Variants in ZDHHC15 observed in about 807,000 individuals in gnomAD.
ZDHHC15 encodes the protein zDHHC palmitoyltransferase 15.
A neutral mutation model predicts 31.7 loss-of-function variants in ZDHHC15; 19 were observed. The ratio of observed to expected loss-of-function variants is 0.60; its 90% CI spans 0.42 to 0.88. ZDHHC15 has a LOEUF of 0.88. Among genes scored for constraint, ZDHHC15 ranks in the 40% least tolerant of loss-of-function variants. The probability of loss-of-function intolerance (pLI) is 0.00; values close to 1 mark genes in which losing one functional copy is unlikely to be tolerated. For synonymous variants in ZDHHC15, 103 were observed against 90.0 expected (o/e 1.14, Z -0.82); for missense variants, 209 against 251.2 (o/e 0.83, Z 1.14).
intron 10 of ZDHHC15, among the ~76,000 whole-genome samples, chrX:75,394,164 A>C (rs2083274338): frequency 9.0e-6 from 1 of 111,632 alleles, no homozygotes; most frequent in South Asian, 3.8e-4. Context: ...ACTAACCATC[A>C]TATGGTTACT....
At chrX:75,463,553 G>T (rs2084353424) in intron 3 of ZDHHC15, among the ~76,000 whole-genome samples, 1 of 90,440 alleles carries the variant, frequency 1.1e-5, no homozygotes, top group Admixed American at 1.4e-4. Context: ...CTAATATCCA[G>T]AATCTATAAA....
At chrX:75,379,677 T>G (rs2083094973) in intron 10 of ZDHHC15, among the ~76,000 whole-genome samples, 1 of 112,276 alleles carries the variant, frequency 8.9e-6, no homozygotes, top group Non-Finnish European at 1.9e-5. Flanking sequence ...ATGTTTTTGT[T>G]TCTGACCTCC....
At chrX:75,397,254 G>A (rs1304825093) in intron 10 of ZDHHC15, among the ~76,000 whole-genome samples, 6 of 109,530 alleles carry the variant, frequency 5.5e-5, no homozygotes, top group South Asian at 4.0e-4. Flanking sequence ...TCGAACCCAG[G>A]AGGCGGAGGT....
chrX:75,421,996 G>C lies in ZDHHC15; in HGVS notation c.737-6C>G. 1 of 1,204,419 alleles carries C rather than the reference G, an allele frequency of 8.3e-7. No individual in the cohort carries two copies. Among genetic ancestry groups the C allele is most frequent in the Non-Finnish European group, 1.1e-6 (1 of 892,324 alleles). ...CACTGGAGTGCAGAAGGCCTCTAAGGCAGGGCAGGAGAGTTGAAGAAAAGA... is the reference window on the plus strand; with the variant it reads ...CACTGGAGTGCAGAAGGCCTCTAAGCCAGGGCAGGAGAGTTGAAGAAAAGA... On this transcript the variant is annotated splice_region_variant and splice_polypyrimidine_tract_variant and intron_variant, in intron 8 of 11. Coordinates refer to ENST00000373367, the MANE Select transcript of ZDHHC15 (RefSeq NM_144969.3).
chrX:75,395,759 A>C (rs975980238), intron 10 of ZDHHC15, among the ~76,000 whole-genome samples: 8 of 111,566 alleles, frequency 7.2e-5, no homozygotes, highest in African/African-American at 2.6e-4. Flanking sequence ...AATAAACAAA[A>C]CTGTAGGAAC....
In ZDHHC15 at chrX:75,429,204, A is replaced by G. The variant is rs1333123586; in HGVS notation, c.483-6T>C. On this transcript the variant is annotated splice_polypyrimidine_tract_variant and splice_region_variant and intron_variant, in intron 6 of 11. Coordinates refer to ENST00000373367, the MANE Select transcript of ZDHHC15 (RefSeq NM_144969.3). ...ATCCAATGCAGTTATTAACCCTAAAAAAAAAGAAAAACTAATTTGACATCA... is the reference window on the plus strand; with the variant it reads ...ATCCAATGCAGTTATTAACCCTAAAGAAAAAGAAAAACTAATTTGACATCA... 8.4e-7 allele frequency: 1 copy of G among 1,195,902 alleles called. No individual in the cohort carries two copies. The highest frequency in any genetic ancestry group is 1.1e-6 in the Non-Finnish European group (1 of 890,738).
intron 2 of ZDHHC15, among the ~76,000 whole-genome samples, chrX:75,485,680 C>T (rs767207231): frequency 1.6e-4 from 18 of 110,728 alleles, no homozygotes; most frequent in Non-Finnish European, 3.4e-4. Flanking sequence ...TTAGATGTAG[C>T]TATATCAAAA....
chrX:75,481,613 T>C lies in ZDHHC15; in HGVS notation c.164-2628A>G, dbSNP rs187991090. On this transcript the variant is annotated intron_variant, in intron 2 of 11. Coordinates refer to ENST00000373367, the MANE Select transcript of ZDHHC15 (RefSeq NM_144969.3). ...ACCGGTAAAATAGGAACTATACCAA[T>C]ATTTTAGAGTAAGGTGAGACCATAG... 1.6e-3 allele frequency among the ~76,000 whole-genome samples: 180 copies of C among 112,079 alleles called. 2 individuals carry two copies. The highest frequency in any genetic ancestry group is 1.9e-3 in the Non-Finnish European group (101 of 53,194).
At chrX:75,480,299 A>T (rs2084669051) in intron 2 of ZDHHC15, among the ~76,000 whole-genome samples, 2 of 111,194 alleles carry the variant, frequency 1.8e-5, no homozygotes, top group Non-Finnish European at 3.8e-5. Context: ...CCACACATAC[A>T]TCTAACTTCT....
chrX:75,431,427 A>T (rs780272582), intron 5 of ZDHHC15, 24 bp downstream of exon 5: 2 of 1,200,623 alleles, frequency 1.7e-6, no homozygotes, highest in Admixed American at 2.2e-5. Context: ...AGCCCAGCCC[A>T]GGGGAAATAT....
intron 4 of ZDHHC15, among the ~76,000 whole-genome samples, chrX:75,438,260 T>C (rs1602623964): frequency 9.0e-6 from 1 of 111,471 alleles, no homozygotes; most frequent in South Asian, 3.8e-4. Flanking sequence ...GTCAGTGGAG[T>C]AGTGAAGTCC....
intron 3 of ZDHHC15, among the ~76,000 whole-genome samples, chrX:75,469,555 T>C (rs911322357): frequency 1.8e-5 from 2 of 112,269 alleles, no homozygotes; most frequent in Admixed American, 1.9e-4. Context: ...TGTGGTAGCA[T>C]GTGTCAGAAT....
At chrX:75,486,975 G>A (rs2084788351) in intron 2 of ZDHHC15, among the ~76,000 whole-genome samples, 1 of 111,110 alleles carries the variant, frequency 9.0e-6, no homozygotes, top group South Asian at 3.8e-4. Flanking sequence ...CCTGAAAAAC[G>A]TGAGTACCCA....
At chrX:75,472,024 AC>A (rs1319760723) in intron 3 of ZDHHC15, among the ~76,000 whole-genome samples, 1 of 111,759 alleles carries the variant, frequency 8.9e-6, no homozygotes, top group African/African-American at 3.3e-5. Context: ...GCACTCTGTG[AC>A]CCATCTAGCC....
chrX:75,443,658 A>G (rs138377653), intron 4 of ZDHHC15, among the ~76,000 whole-genome samples: 358 of 112,093 alleles, frequency 3.2e-3, no homozygotes, highest in African/African-American at 0.011. Context: ...AGCAAAAGAA[A>G]CTATCGTCAG....
At chrX:75,460,149 A>T (rs1421703467) in intron 3 of ZDHHC15, among the ~76,000 whole-genome samples, 1 of 112,177 alleles carries the variant, frequency 8.9e-6, no homozygotes, top group Admixed American at 9.4e-5. Flanking sequence ...TGATGGGATT[A>T]CAGGCGTGAG....
At chrX:75,391,459 A>T (rs2083241853) in intron 10 of ZDHHC15, among the ~76,000 whole-genome samples, 1 of 111,847 alleles carries the variant, frequency 8.9e-6, no homozygotes, top group Non-Finnish European at 1.9e-5. Flanking sequence ...TAAAGAAAGG[A>T]TCCTAAAAGC....
chrX:75,487,938 G>A (rs745953359), intron 2 of ZDHHC15, among the ~76,000 whole-genome samples: 4 of 112,111 alleles, frequency 3.6e-5, no homozygotes, highest in Admixed American at 1.9e-4. Context: ...TTCAGAGCTC[G>A]AAGAGAAGGC....
At chrX:75,514,584 G>A (rs762411182) in intron 1 of ZDHHC15, among the ~76,000 whole-genome samples, 3 of 111,742 alleles carry the variant, frequency 2.7e-5, no homozygotes, top group South Asian at 3.8e-4. Context: ...GAAGCGGGGC[G>A]GGGCATCACC....
Sources: allele counts gnomAD v4.1 joint callset (sites outside exome capture counted in the v4.1 genomes callset), GRCh38; gene constraint gnomAD v4.1.1; transcripts MANE v1.5; gene names NCBI Gene and HGNC (gene_info 2026-07-23, HGNC 2026-07-21).